Variants in ELOVL6 observed in about 807,000 individuals in gnomAD.
ELOVL6 encodes very long chain fatty acid elongase 6.
Under a neutral mutation model 31.7 loss-of-function variants are expected in ELOVL6, and 8 were observed. The ratio of observed to expected loss-of-function variants is 0.25; its 90% CI spans 0.15 to 0.45. ELOVL6 has a LOEUF of 0.45. Ranked by LOEUF, ELOVL6 falls within the 20% of genes least tolerant of loss-of-function variation. The probability of loss-of-function intolerance (pLI) is 1.00; values close to 1 mark genes in which losing one functional copy is unlikely to be tolerated. For missense variants in ELOVL6, 126 were observed against 326.4 expected (o/e 0.39, Z 4.73); for synonymous variants, 101 against 117.7 (o/e 0.86, Z 0.92).
At chr4:110,176,002 T>C (rs1409359517) in intron 1 of ELOVL6, among the ~76,000 whole-genome samples, 1 of 150,896 alleles carries the variant, frequency 6.6e-6, no homozygotes, top group Non-Finnish European at 1.5e-5. Flanking sequence ...AGGAAGTTTG[T>C]ATCTAGAGCT....
rs193031315 is a variant in ELOVL6 at position 110,113,459 on chromosome 4, T to C, written c.90-7831A>G. 5.9e-4 allele frequency among the ~76,000 whole-genome samples: 89 copies of C among 151,870 alleles called. 2 individuals are homozygous for C. The highest frequency in any genetic ancestry group is 4.3e-3 in the Admixed American group (65 of 15,268). Reference sequence around the variant, plus strand: ...TTAGTCTGCTGTAGTGGTGCATGCCTGTAGTCCTAGCTACTTGAGAAACTA... The same window carrying C: ...TTAGTCTGCTGTAGTGGTGCATGCCCGTAGTCCTAGCTACTTGAGAAACTA... On this transcript the variant is annotated intron_variant, in intron 1 of 3. Coordinates refer to ENST00000302274, the MANE Select transcript of ELOVL6 (RefSeq NM_024090.3).
At chr4:110,076,927 T>C (rs904481861) in intron 2 of ELOVL6, among the ~76,000 whole-genome samples, 11 of 152,108 alleles carry the variant, frequency 7.2e-5, no homozygotes, top group Non-Finnish European at 1.5e-4. Context: ...AACGGCACAC[T>C]AGGAGATTAT....
rs745661107 is a variant in ELOVL6 at position 110,183,096 on chromosome 4, C to T, written c.89+15151G>A. On this transcript the variant is annotated intron_variant, in intron 1 of 3. Transcript: ENST00000302274. ...AGAAGGAAATCAAAATATTTTACCC[C>T]GAGGCTTCTAGATGACTTTATTTAA... 1.1e-4 allele frequency among the ~76,000 whole-genome samples: 17 copies of T among 152,002 alleles called. 1 individual carries two copies. Among genetic ancestry groups the T allele is most frequent in the African/African-American group, 2.2e-4 (9 of 41,376 alleles).
chr4:110,159,901 CAT>C (rs903068042), intron 1 of ELOVL6, among the ~76,000 whole-genome samples: 9 of 152,168 alleles, frequency 5.9e-5, no homozygotes, highest in South Asian at 2.1e-4. Context: ...CATTTTTTCA[CAT>C]GTCTACTGAA....
chr4:110,124,361 A>C (rs753898632), intron 1 of ELOVL6, among the ~76,000 whole-genome samples: 1 of 152,208 alleles, frequency 6.6e-6, no homozygotes, highest in Non-Finnish European at 1.5e-5. Flanking sequence ...TACACCATGG[A>C]ACACTATGCA....
chr4:110,158,655 ATATTTTTTTT>A (rs1295659248), intron 1 of ELOVL6, among the ~76,000 whole-genome samples: 48 of 76,186 alleles, frequency 6.3e-4, no homozygotes, highest in Middle Eastern at 5.8e-3. Context: ...ATATATATAT[ATATTTTTTTT>A]TTTTTTTTTT....
At chr4:110,129,023 A>AT (rs1433915458) in intron 1 of ELOVL6, among the ~76,000 whole-genome samples, 1 of 152,250 alleles carries the variant, frequency 6.6e-6, no homozygotes, top group Non-Finnish European at 1.5e-5. Context: ...CAACCTACAC[A>AT]TTCAGTACTC....
At chr4:110,177,442 A>C (rs981180715) in intron 1 of ELOVL6, among the ~76,000 whole-genome samples, 10 of 151,600 alleles carry the variant, frequency 6.6e-5, no homozygotes, top group Non-Finnish European at 1.3e-4. Flanking sequence ...GTTTCTTAAA[A>C]AATAAATTAA....
intron 1 of ELOVL6, among the ~76,000 whole-genome samples, chr4:110,120,658 T>C (rs2126253596): frequency 6.6e-6 from 1 of 152,254 alleles, no homozygotes; most frequent in East Asian, 1.9e-4. Flanking sequence ...CTTACTATAT[T>C]CTAGGTACTG....
intron 1 of ELOVL6, among the ~76,000 whole-genome samples, chr4:110,143,665 G>A (rs1189615638): frequency 6.6e-6 from 1 of 152,176 alleles, no homozygotes. Flanking sequence ...CAATTTGGAT[G>A]CACATTAAAG....
chr4:110,116,690 C>G (rs1358883246), intron 1 of ELOVL6, among the ~76,000 whole-genome samples: 1 of 152,194 alleles, frequency 6.6e-6, no homozygotes, highest in Non-Finnish European at 1.5e-5. Flanking sequence ...CTCTTAATCC[C>G]AATCTTAAAA....
chr4:110,191,581 C>G (rs1759623657), intron 1 of ELOVL6, among the ~76,000 whole-genome samples: 1 of 152,146 alleles, frequency 6.6e-6, no homozygotes, highest in African/African-American at 2.4e-5. Context: ...TTGGTTAACT[C>G]ATTTCAGAAA....
In ELOVL6 at chr4:110,046,695, A is replaced by G. The variant is rs1391711011; in HGVS notation, c.*4643T>C. ...TGTGCCATATGGCTCGCAGATGTTT[A>G]TAACTGGAGTCTGTCACAACAGCAT... On this transcript the variant is annotated 3_prime_UTR_variant, in exon 4 of 4. Transcript: ENST00000302274. 1 of 152,226 alleles carries G rather than the reference A, an allele frequency of 6.6e-6. No individual in the cohort carries two copies. The highest frequency in any genetic ancestry group is 2.4e-5 in the African/African-American group (1 of 41,458). The allele number at this position is 152,226 out of a possible 1,614,324, so 9.4% of individuals were successfully genotyped here.
intron 2 of ELOVL6, among the ~76,000 whole-genome samples, chr4:110,090,381 C>G (rs1454288610): frequency 3.9e-5 from 6 of 152,088 alleles, no homozygotes; most frequent in Non-Finnish European, 8.8e-5. Flanking sequence ...TAGGCACCCT[C>G]TATTCATATT....
At chr4:110,184,018 A>T (rs1681427428) in intron 1 of ELOVL6, among the ~76,000 whole-genome samples, 1 of 152,182 alleles carries the variant, frequency 6.6e-6, no homozygotes, top group African/African-American at 2.4e-5. Flanking sequence ...AAAATAAAAA[A>T]ATCATCTCTC....
chr4:110,106,451 A>G (rs1756892767), intron 1 of ELOVL6, among the ~76,000 whole-genome samples: 1 of 152,142 alleles, frequency 6.6e-6, no homozygotes, highest in South Asian at 2.1e-4. Flanking sequence ...GCTCCGGGGA[A>G]AGGGGCGGGG....
intron 1 of ELOVL6, among the ~76,000 whole-genome samples, chr4:110,107,248 T>C (rs1236779109): frequency 1.3e-5 from 2 of 152,194 alleles, no homozygotes; most frequent in African/African-American, 2.4e-5. Flanking sequence ...AATCAACCCA[T>C]AAGTAAATGT....
In ELOVL6 at chr4:110,198,513, G is replaced by A. The variant is rs1759889067; in HGVS notation, c.-178C>T. The A allele has an allele frequency of 5.4e-6, 3 of 556,566 alleles. No homozygotes were observed. In the East Asian group the frequency reaches 9.3e-5, roughly 17 times the overall value. 34.5% of individuals were successfully genotyped at this position (556,566 alleles called of 1,614,324 possible). A position where few individuals can be genotyped will look rare whatever the true frequency, so the allele number is the denominator to read the frequency against. ...CAGCCTCTCAGCTACATCCAGGGCT[G>A]AGCATTGCCTGCGCCTCCGCTCCCA... On this transcript the variant is annotated 5_prime_UTR_variant, in exon 1 of 4. Transcript: ENST00000302274.
intron 1 of ELOVL6, among the ~76,000 whole-genome samples, chr4:110,149,151 C>A (rs1033419140): frequency 2.0e-5 from 3 of 152,164 alleles, no homozygotes; most frequent in Admixed American, 6.5e-5. Flanking sequence ...TGTGAGCCAC[C>A]GCACCCAGCT....
Sources: allele counts gnomAD v4.1 joint callset (sites outside exome capture counted in the v4.1 genomes callset), GRCh38; gene constraint gnomAD v4.1.1; transcripts MANE v1.5; gene names NCBI Gene and HGNC (gene_info 2026-07-23, HGNC 2026-07-21).